The following SLC9A7 variants were observed in gnomAD, a reference collection of about 807,000 sequenced individuals.
SLC9A7 encodes sodium/hydrogen exchanger 7.
In SLC9A7, 19 loss-of-function variants were observed where a neutral mutation model predicts 52.6. The observed-to-expected ratio is 0.36, with a 90% confidence interval of 0.25 to 0.53. SLC9A7 has a LOEUF of 0.53. SLC9A7 is among the 20% of genes least tolerant of loss of function. The pLI is 0.91. For synonymous variants in SLC9A7, 226 were observed against 252.1 expected (o/e 0.90, Z 0.98); for missense variants, 455 against 597.9 (o/e 0.76, Z 2.49).
chrX:46,704,373 C>T (rs1041835339), intron 1 of SLC9A7, among the ~76,000 whole-genome samples: 1 of 112,354 alleles, frequency 8.9e-6, no homozygotes, highest in Non-Finnish European at 1.9e-5. Flanking sequence ...AGATTATATA[C>T]ACATAAAGTG....
intron 14 of SLC9A7, among the ~76,000 whole-genome samples, chrX:46,625,147 A>G (rs1943104819): frequency 8.9e-6 from 1 of 112,302 alleles, no homozygotes; most frequent in African/African-American, 3.2e-5. Context: ...ATGAATGCAT[A>G]ATGATATCTG....
intron 1 of SLC9A7, among the ~76,000 whole-genome samples, chrX:46,747,777 A>T (rs984737469): frequency 1.8e-5 from 2 of 112,207 alleles, no homozygotes; most frequent in Admixed American, 1.9e-4. Flanking sequence ...GCCAAAAAGT[A>T]CATGAAGGGA....
At chrX:46,633,608 C>A (rs1943267616) in intron 13 of SLC9A7, among the ~76,000 whole-genome samples, 1 of 108,030 alleles carries the variant, frequency 9.3e-6, no homozygotes, top group African/African-American at 3.4e-5. Context: ...AAGCAATGGG[C>A]CAGGGTGTTT....
At chrX:46,702,505 GCTCC>G (rs769368644) in intron 1 of SLC9A7, among the ~76,000 whole-genome samples, 1 of 111,306 alleles carries the variant, frequency 9.0e-6, no homozygotes, top group South Asian at 3.8e-4. Context: ...CTAATGTTTA[GCTCC>G]CTGTTACAGG....
intron 15 of SLC9A7, among the ~76,000 whole-genome samples, chrX:46,614,276 G>A (rs1602133853): frequency 8.9e-6 from 1 of 111,838 alleles, no homozygotes; most frequent in Admixed American, 9.5e-5. Flanking sequence ...TACATCAAAT[G>A]TGCTCAGAAC....
intron 7 of SLC9A7, among the ~76,000 whole-genome samples, 156 bp downstream of exon 7, chrX:46,661,860 T>C (rs1250356006): frequency 2.7e-5 from 3 of 112,090 alleles, no homozygotes; most frequent in African/African-American, 6.5e-5. Flanking sequence ...CCAACCGTCA[T>C]GCTTCACCAA....
intron 13 of SLC9A7, among the ~76,000 whole-genome samples, chrX:46,634,842 G>A (rs763199521): frequency 9.0e-5 from 10 of 111,598 alleles, no homozygotes; most frequent in Admixed American, 1.9e-4. Flanking sequence ...TCACAGTGCC[G>A]AGAACAGAGT....
chrX:46,711,720 T>G (rs1944689773), intron 1 of SLC9A7, among the ~76,000 whole-genome samples: 1 of 110,524 alleles, frequency 9.0e-6, no homozygotes, highest in African/African-American at 3.3e-5. Context: ...GAAGAGTCAG[T>G]GCATAAGTAT....
chrX:46,706,117 T>C (rs1944601634), intron 1 of SLC9A7, among the ~76,000 whole-genome samples: 1 of 108,146 alleles, frequency 9.2e-6, no homozygotes, highest in Admixed American at 9.9e-5. Context: ...AAAATTACTA[T>C]GGTTTTTAAG....
intron 15 of SLC9A7, among the ~76,000 whole-genome samples, chrX:46,614,362 GTAAT>G (rs1234324301): frequency 5.4e-5 from 6 of 111,828 alleles, no homozygotes; most frequent in African/African-American, 2.0e-4. Context: ...AATATCTCAT[GTAAT>G]TTATTACATA....
chrX:46,699,276 C>T (rs764888524), intron 1 of SLC9A7, among the ~76,000 whole-genome samples: 8 of 111,896 alleles, frequency 7.1e-5, no homozygotes, highest in Admixed American at 4.7e-4. Flanking sequence ...AGTTATATTG[C>T]GCCATGAAGC....
chrX:46,672,690 A>T, intron 3 of SLC9A7, 63 bp from the exon 4 acceptor site: 1 of 832,868 alleles, frequency 1.2e-6, no homozygotes, highest in African/African-American at 2.0e-5. Context: ...TGAGCTTAAG[A>T]AACACATTAA....
rs758045621 is a variant in SLC9A7 at position 46,611,801 on chromosome X, G to A, written c.1929+1488C>T. Among the ~76,000 whole-genome samples the A allele has an allele frequency of 7.1e-5, 8 of 111,975 alleles. No homozygotes were observed. In the South Asian group the frequency reaches 1.9e-3, roughly 26 times the overall value. On this transcript the variant is annotated intron_variant, in intron 16 of 16. Coordinates refer to ENST00000616978, the MANE Select transcript of SLC9A7 (RefSeq NM_001257291.2). The stretch of plus-strand genomic sequence containing the variant: ...TCATCCCTGTTCTTGAAGGAAGAGC[G>A]TGCCATTTAAGGAGCTGCATCCTCC...
chrX:46,608,053 C>A (rs1942782088), intron 16 of SLC9A7, among the ~76,000 whole-genome samples: 1 of 112,421 alleles, frequency 8.9e-6, no homozygotes, highest in Admixed American at 9.4e-5. Context: ...AGTCCTGCAT[C>A]CTCTTATGAG....
chrX:46,617,211 A>AT (rs1340499959), intron 15 of SLC9A7, among the ~76,000 whole-genome samples: 1 of 111,221 alleles, frequency 9.0e-6, no homozygotes, highest in Admixed American at 9.6e-5. Context: ...TATCCATTAC[A>AT]TTTTTTTGGT....
intron 12 of SLC9A7, among the ~76,000 whole-genome samples, chrX:46,636,795 C>T (rs761183687): frequency 3.6e-5 from 4 of 111,474 alleles, no homozygotes; most frequent in Non-Finnish European, 5.7e-5. Context: ...GCGGCAATAA[C>T]GAAAAAAAGA....
chrX:46,748,749 T>G (rs1361135157), intron 1 of SLC9A7, among the ~76,000 whole-genome samples: 3 of 109,665 alleles, frequency 2.7e-5, no homozygotes, highest in Non-Finnish European at 5.7e-5. Context: ...AATAGGCAAA[T>G]TCATAAAGTC....
chrX:46,748,728 G>A (rs1332014738), intron 1 of SLC9A7, among the ~76,000 whole-genome samples: 1 of 109,929 alleles, frequency 9.1e-6, no homozygotes. Flanking sequence ...TCACTTATAT[G>A]AATGATCTAG....
In SLC9A7 at chrX:46,758,749, C is replaced by T; in HGVS notation, c.281G>A (p.Arg94His). The change falls in exon 1 of 17, where the codon CGC becomes CAC. Residue 94 changes from arginine (R) to histidine (H), a missense_variant. This residue lies in a region of SLC9A7 where 304 missense variants were observed against 417.8 expected (regional missense o/e 0.73). Transcript: ENST00000616978. ...GGTCTCGTGCAGAAAGCGCACCCGG[C>T]GGTGCTTGAAGAGCCAGATGGTGAG... ...TILTIWLFKH[R>H]RVRFLHETGL... 8.4e-7 allele frequency: 1 copy of T among 1,197,329 alleles called. No individual in the cohort carries two copies. The highest frequency in any genetic ancestry group is 1.7e-5 in the African/African-American group (1 of 57,227).
Sources: allele counts gnomAD v4.1 joint callset (sites outside exome capture counted in the v4.1 genomes callset), GRCh38; gene constraint gnomAD v4.1.1; regional missense constraint gnomAD v4.1.1; transcripts MANE v1.5; gene names NCBI Gene and HGNC (gene_info 2026-07-23, HGNC 2026-07-21).